INSR: variants seen among roughly 807,000 people sequenced by gnomAD.
INSR encodes the protein IR.
In INSR, 67 loss-of-function variants were observed where a neutral mutation model predicts 142.6. The ratio of observed to expected loss-of-function variants is 0.47; its 90% CI spans 0.39 to 0.58. INSR has a LOEUF of 0.58. INSR is among the 20% of genes least tolerant of loss of function. The pLI, the probability that INSR is intolerant of heterozygous loss-of-function variation, is 0.00. For synonymous variants in INSR, 756 were observed against 743.1 expected, an observed-to-expected ratio of 1.02 and a Z score of -0.28; for missense variants, 1,248 against 1,833.2, an observed-to-expected ratio of 0.68 and a Z score of 5.83.
chr19:7,158,283 G>C (rs1010549658), intron 9 of INSR, among the ~76,000 whole-genome samples: 1 of 151,922 alleles, frequency 6.6e-6, no homozygotes, highest in East Asian at 1.9e-4. Flanking sequence ...GGCAGATCAC[G>C]AGGTCAGGAG....
chr19:7,151,146 TTTCCTTTCTTTCTTTCTCTTTCTTTC>T (rs1973331542), intron 10 of INSR, among the ~76,000 whole-genome samples: 2 of 37,592 alleles, frequency 5.3e-5, no homozygotes, highest in Non-Finnish European at 1.7e-4. Flanking sequence ...TCTTTCTCTC[TTTCCTTTCTTTCTTTCTCTTTCTTTC>T]TTTCTTTCTT....
At chr19:7,126,837 G>A (rs775371599) in intron 15 of INSR, among the ~76,000 whole-genome samples, 186 bp from the exon 16 acceptor site, 1 of 152,092 alleles carries the variant, frequency 6.6e-6, no homozygotes, top group East Asian at 1.9e-4. Context: ...AGACAGGTAT[G>A]TAAGTGCATC....
At chr19:7,232,020 A>C (rs1975995570) in intron 2 of INSR, among the ~76,000 whole-genome samples, 1 of 152,106 alleles carries the variant, frequency 6.6e-6, no homozygotes, top group Non-Finnish European at 1.5e-5. Context: ...CAATAAAACC[A>C]AACTAAACAA....
chr19:7,194,708 A>G (rs1974699360), intron 2 of INSR, among the ~76,000 whole-genome samples: 1 of 143,962 alleles, frequency 6.9e-6, no homozygotes, highest in South Asian at 2.2e-4. Context: ...TTTAGTGGAG[A>G]AGCGGTTTCA....
rs560658631 is a variant in INSR, at chr19:7,119,701, T to C, written c.3660-118A>G. 2.5e-5 allele frequency: 29 copies of C among 1,140,578 alleles called. No individual in the cohort carries two copies. The highest frequency in any genetic ancestry group is 2.8e-4 in the Middle Eastern group (1 of 3,570). 70.7% of individuals were successfully genotyped at this position (1,140,578 alleles called of 1,614,324 possible). ...ACACGCAAACACACATGCCAACACA[T>C]ACATGCAAACACACACATGCAAACA... On this transcript the variant is annotated intron_variant, in intron 20 of 21. Coordinates refer to ENST00000302850, the MANE Select transcript of INSR (RefSeq NM_000208.4). The surrounding 1 kb of genome is among the most constrained non-coding windows in gnomAD (Gnocchi z 5.2).
chr19:7,150,319 G>T lies in INSR; in HGVS notation c.2267+178C>A, dbSNP rs1440961177. ...AGGTTTCTCCCCACATTCATGCCCA[G>T]ATTTCATTTCAGAGTGAAGGCATTG... On this transcript the variant is annotated intron_variant, in intron 11 of 21. Transcript: ENST00000302850. The surrounding 1 kb of genome is among the most constrained non-coding windows in gnomAD (Gnocchi z 4.2). Among the ~76,000 whole-genome samples the T allele has an allele frequency of 6.6e-6, 1 of 152,234 alleles. No individual in the cohort carries two copies. The highest frequency in any genetic ancestry group is 1.9e-4 in the East Asian group (1 of 5,200).
At chr19:7,221,526 G>A (rs1454077499) in intron 2 of INSR, among the ~76,000 whole-genome samples, 2 of 152,144 alleles carry the variant, frequency 1.3e-5, no homozygotes, top group African/African-American at 2.4e-5. Context: ...TGGCCAGCAC[G>A]GCGAAACCCC....
Position 7,166,474 on chromosome 19 carries a change from GCCTGGGAAGTTACATC to G in INSR, c.1611-86_1611-71del. 1 of 1,561,114 alleles carries G rather than the reference GCCTGGGAAGTTACATC, an allele frequency of 6.4e-7. No homozygotes were observed. The highest frequency in any genetic ancestry group is 1.8e-5 in the Admixed American group (1 of 56,794). On this transcript the variant is annotated intron_variant, in intron 7 of 21. Transcript: ENST00000302850. This position sits in a 1 kb window ranked among gnomAD's most constrained non-coding sequence, Gnocchi z 4.1. ...TCACACTGAGTGCCGTGCAGATGAG[GCCTGGGAAGTTACATC>G]CCATAGGGTCACATGTTACTCACCC...
chr19:7,207,754 T>G (rs373867236), intron 2 of INSR, among the ~76,000 whole-genome samples: 4 of 151,896 alleles, frequency 2.6e-5, no homozygotes, highest in Admixed American at 6.6e-5. Flanking sequence ...AAGACCCATC[T>G]CTACAAACAA....
At chr19:7,131,859 C>T (rs1222338325) in intron 14 of INSR, among the ~76,000 whole-genome samples, 3 of 150,962 alleles carry the variant, frequency 2.0e-5, no homozygotes, top group East Asian at 2.0e-4. Flanking sequence ...ATTAGCCGGG[C>T]GTGGTGGTGG....
chr19:7,163,554 C>T (rs546634221), intron 8 of INSR, among the ~76,000 whole-genome samples: 13 of 150,874 alleles, frequency 8.6e-5, no homozygotes, highest in East Asian at 2.0e-4. Flanking sequence ...AGCAAGAGTC[C>T]GTCTCAAAAC....
At chr19:7,276,767 G>T (rs893711029) in intron 1 of INSR, among the ~76,000 whole-genome samples, 7 of 152,032 alleles carry the variant, frequency 4.6e-5, no homozygotes, top group African/African-American at 1.4e-4. Flanking sequence ...GTCTCACTCT[G>T]TCTCCCAGGC....
At chr19:7,136,057 T>C (rs1261819494) in intron 13 of INSR, among the ~76,000 whole-genome samples, 1 of 152,026 alleles carries the variant, frequency 6.6e-6, no homozygotes, top group Non-Finnish European at 1.5e-5. Context: ...TGTATGAGGG[T>C]TCCGATTTCT....
intron 2 of INSR, among the ~76,000 whole-genome samples, chr19:7,185,628 A>G (rs1003807113): frequency 6.6e-6 from 1 of 151,832 alleles, no homozygotes; most frequent in African/African-American, 2.4e-5. Context: ...GGATCACCTG[A>G]GGTCAGGAGT....
rs564845387 is a variant in INSR at position 7,153,015 on chromosome 19, A to C, written c.2030-88T>G. 0.067 allele frequency: 33,366 copies of C among 501,294 alleles called. 3,279 individuals carry two copies. The highest frequency in any genetic ancestry group is 0.46 in the African/African-American group (13,277 of 29,094). 31.1% of individuals were successfully genotyped at this position (501,294 alleles called of 1,614,324 possible). ...CACACACCCCACACACACACACACC[A>C]CACACACACACCACACACACACACA... On this transcript the variant is annotated intron_variant, in intron 9 of 21. Coordinates refer to ENST00000302850, the MANE Select transcript of INSR (RefSeq NM_000208.4).
intron 11 of INSR, among the ~76,000 whole-genome samples, chr19:7,145,030 C>T (rs1042017351): frequency 3.3e-5 from 5 of 151,738 alleles, no homozygotes; most frequent in East Asian, 1.9e-4. Flanking sequence ...ACGTTATTTG[C>T]GGATCTTTAT....
At chr19:7,292,476 G>GGGGC in intron 1 of INSR, among the ~76,000 whole-genome samples, 1 of 148,850 alleles carries the variant, frequency 6.7e-6, no homozygotes, top group South Asian at 2.2e-4. Context: ...GGGCTGGGGG[G>GGGGC]GGGTGGGCCC....
chr19:7,187,641 C>A (rs577721650), intron 2 of INSR, among the ~76,000 whole-genome samples: 28 of 152,202 alleles, frequency 1.8e-4, no homozygotes, highest in Non-Finnish European at 1.3e-4. Flanking sequence ...GACACAGTGA[C>A]AGTTCACTGC....
rs372740987 is a variant in INSR, at chr19:7,238,398, T to C, written c.652+28947A>G. ...ACTTTGAGAGGCTGAGGTGCGTAGA[T>C]CACTTGAGGTCATGAGTTCAAGACC... On this transcript the variant is annotated intron_variant, in intron 2 of 21. Transcript: ENST00000302850. 1.3e-3 allele frequency among the ~76,000 whole-genome samples: 193 copies of C among 151,972 alleles called. 5 individuals carry two copies. In the South Asian group the frequency reaches 0.038, roughly 30 times the overall value.
Sources: gnomAD v4.1 joint callset for allele counts (sites outside exome capture counted in the v4.1 genomes callset) on GRCh38, gnomAD v4.1.1 for gene constraint, Gnocchi (gnomAD v3.1) non-coding constraint, MANE v1.5 for transcripts, NCBI Gene and HGNC (gene_info 2026-07-23, HGNC 2026-07-21) for gene names.